Variants in TAC4 observed in about 807,000 individuals in gnomAD.
The protein encoded by TAC4 is tachykinin precursor 4, also known as tachykinin-4.
A neutral mutation model predicts 17.7 loss-of-function variants in TAC4; 17 were observed. The ratio of observed to expected loss-of-function variants is 0.96; its 90% CI spans 0.66 to 1.44. The LOEUF is 1.44. Among genes scored for constraint, TAC4 ranks in the 40% most tolerant of loss-of-function variants. The pLI is 0.00. For missense variants in TAC4, 118 were observed against 125.6 expected (o/e 0.94, Z 0.29); for synonymous variants, 62 against 52.4 (o/e 1.18, Z -0.79).
At chr17:49,841,625 C>T (rs763875696) in intron 2 of TAC4, 41 bp from the exon 3 acceptor site, 20 of 1,517,976 alleles carry the variant, frequency 1.3e-5, no homozygotes, top group Non-Finnish European at 1.8e-5. Context: ...GACTGCACTG[C>T]TTCCCTGGGG....
At chr17:49,842,359 T>C (rs949932330) in intron 2 of TAC4, among the ~76,000 whole-genome samples, 2 of 151,600 alleles carry the variant, frequency 1.3e-5, no homozygotes, top group African/African-American at 4.8e-5. Context: ...TGAAACCCCA[T>C]CTCTACTAAA....
chr17:49,842,667 C>T (rs890618450), intron 2 of TAC4, among the ~76,000 whole-genome samples: 2 of 151,930 alleles, frequency 1.3e-5, no homozygotes, highest in African/African-American at 2.4e-5. Flanking sequence ...AAAAGCAGTC[C>T]TTGAATACAT....
At chr17:49,846,860 G>T in intron 1 of TAC4, 1 of 947,040 alleles carries the variant, frequency 1.1e-6, no homozygotes, top group Non-Finnish European at 1.4e-6. Flanking sequence ...CCTGATGTTT[G>T]GCACTGACTA....
Position 49,838,670 on chromosome 17 carries a change from C to T in TAC4, c.296G>A (p.Arg99Lys), listed in dbSNP as rs1181438177. The part of the protein sequence containing the change: ...LGKRSLFTEG[R>K]EDEAQGSE ...CTCTGAACCTTGGGCCTCATCCTCT[C>T]TGCCTGGGGAGAGTTTGGTATATGA... Residue 99 changes from arginine to lysine, a missense_variant, in exon 5 of 5, where the codon AGA becomes AAA. Physicochemically the swap from Arg to Lys is conservative, Grantham distance 26. Transcript: ENST00000436235. 17 of 1,613,300 alleles carry T rather than the reference C, an allele frequency of 1.1e-5. No individual in the cohort carries two copies. The highest frequency in any genetic ancestry group is 1.4e-5 in the Non-Finnish European group (17 of 1,179,708).
chr17:49,844,090 A>G lies in TAC4; in HGVS notation c.173T>C (p.Phe58Ser), dbSNP rs775139675. Residue 58 changes from phenylalanine to serine, a missense_variant, in exon 2 of 5, where the codon TTT becomes TCT. By Grantham distance (155) the Phe-to-Ser change is radical. Transcript: ENST00000436235. Reference sequence around the variant, plus strand: ...TCCCACTCGCTTCCCCATCAGCCCAAAGAACTGGCTTGCCTTGCCCGTCTT... The same window carrying G: ...TCCCACTCGCTTCCCCATCAGCCCAGAGAACTGGCTTGCCTTGCCCGTCTT... ...EVKTGKASQF[F>S]GLMGKRVGGR... 2 of 1,613,924 alleles carry G rather than the reference A, an allele frequency of 1.2e-6. No individual in the cohort carries two copies. The highest frequency in any genetic ancestry group is 8.5e-7 in the Non-Finnish European group (1 of 1,179,824).
intron 3 of TAC4, among the ~76,000 whole-genome samples, 187 bp from the exon 4 acceptor site, chr17:49,840,096 T>C (rs575245009): frequency 1.3e-5 from 2 of 152,356 alleles, no homozygotes; most frequent in South Asian, 2.1e-4. Flanking sequence ...ATTTATTCAC[T>C]AGTTCATTCG....
intron 2 of TAC4, among the ~76,000 whole-genome samples, chr17:49,843,386 G>A (rs1039655583): frequency 1.3e-5 from 2 of 152,230 alleles, no homozygotes; most frequent in East Asian, 3.8e-4. Flanking sequence ...TGACTAGAAA[G>A]CTTGGCTTGT....
At chr17:49,840,917 CAG>C (rs1323711069) in intron 3 of TAC4, among the ~76,000 whole-genome samples, 1 of 98,988 alleles carries the variant, frequency 1.0e-5, no homozygotes, top group Non-Finnish European at 1.8e-5. Flanking sequence ...TTTTTTGAGA[CAG>C]AGTCTCCCTC....
At chr17:49,847,604 G>C (rs1384990522) in intron 1 of TAC4, 4 of 373,744 alleles carry the variant, frequency 1.1e-5, no homozygotes, top group African/African-American at 8.4e-5. Context: ...TGGGAGGATT[G>C]AGTTAATATT....
At chr17:49,842,890 C>A (rs2074509251) in intron 2 of TAC4, among the ~76,000 whole-genome samples, 1 of 152,156 alleles carries the variant, frequency 6.6e-6, no homozygotes, top group Non-Finnish European at 1.5e-5. Flanking sequence ...CATGCTTTTT[C>A]CCACTTAACC....
intron 2 of TAC4, 36 bp downstream of exon 2, chr17:49,844,028 C>T: frequency 6.3e-7 from 1 of 1,598,204 alleles, no homozygotes; most frequent in Non-Finnish European, 8.6e-7. Flanking sequence ...CACTCAGAAC[C>T]CCTGCTTGCT....
At position 49,847,156 on chromosome 17, in the gene TAC4, C is replaced by T. The variant is rs535530178; in HGVS notation, c.105+757G>A. 15 of 1,289,898 alleles carry T rather than the reference C, an allele frequency of 1.2e-5. No individual in the cohort carries two copies. In the South Asian group the frequency reaches 1.9e-4, roughly 16 times the overall value. The allele number at this position is 1,289,898 out of a possible 1,614,324, so 79.9% of individuals were successfully genotyped here. A position where few individuals can be genotyped will look rare whatever the true frequency, so the allele number is the denominator to read the frequency against. ...AGCCAAGGCCACCCCAGTGTCCTTA[C>T]CATCCTGGGAATGGGAGGAGTCAGG... On this transcript the variant is annotated intron_variant, in intron 1 of 4. Transcript: ENST00000436235.
intron 4 of TAC4, 135 bp downstream of exon 4, chr17:49,839,715 C>A: frequency 1.3e-6 from 1 of 771,662 alleles, no homozygotes; most frequent in South Asian, 2.0e-5. Flanking sequence ...CGACTGCCTC[C>A]CCTGGGGGCC....
At chr17:49,843,735 A>G (rs922154414) in intron 2 of TAC4, among the ~76,000 whole-genome samples, 1 of 152,200 alleles carries the variant, frequency 6.6e-6, no homozygotes, top group Non-Finnish European at 1.5e-5. Context: ...CTGGGATTAC[A>G]GGCACGTGCC....
At chr17:49,843,524 G>C (rs1364749429) in intron 2 of TAC4, among the ~76,000 whole-genome samples, 1 of 152,174 alleles carries the variant, frequency 6.6e-6, no homozygotes, top group African/African-American at 2.4e-5. Flanking sequence ...GCTCCCCATT[G>C]TTGGGAACAG....
chr17:49,847,742 G>A, intron 1 of TAC4, 171 bp downstream of exon 1: 1 of 1,028,708 alleles, frequency 9.7e-7, no homozygotes, highest in Non-Finnish European at 1.4e-6. Flanking sequence ...AGGTCTGCCA[G>A]GCCAGGGCTC....
chr17:49,840,415 G>A (rs2144034991), intron 3 of TAC4, among the ~76,000 whole-genome samples: 1 of 152,370 alleles, frequency 6.6e-6, no homozygotes, highest in East Asian at 1.9e-4. Context: ...CAGTGAGGCA[G>A]GCCTGAAGGA....
intron 4 of TAC4, among the ~76,000 whole-genome samples, chr17:49,839,444 C>G (rs1161946399): frequency 6.6e-6 from 1 of 152,210 alleles, no homozygotes; most frequent in Non-Finnish European, 1.5e-5. Context: ...TGGTTGAAGG[C>G]AGAAAATCTC....
At chr17:49,847,001 C>G in intron 1 of TAC4, 1 of 1,290,098 alleles carries the variant, frequency 7.8e-7, no homozygotes, top group Non-Finnish European at 1.0e-6. Flanking sequence ...GCCCTCTCCT[C>G]ACTGCACACA....
Sources: gnomAD v4.1 joint callset for allele counts (sites outside exome capture counted in the v4.1 genomes callset) on GRCh38, gnomAD v4.1.1 for gene constraint, MANE v1.5 for transcripts, NCBI Gene and HGNC (gene_info 2026-07-23, HGNC 2026-07-21) for gene names.